Variants in XYLT1 observed in about 807,000 individuals in gnomAD.
XYLT1 encodes the protein beta-D-xylosyltransferase 1.
A neutral mutation model predicts 91.3 loss-of-function variants in XYLT1; 36 were observed. The observed-to-expected ratio is 0.39, with a 90% confidence interval of 0.30 to 0.52. The LOEUF (loss-of-function observed/expected upper bound fraction) is 0.52. Ranked by LOEUF, XYLT1 falls within the 20% of genes least tolerant of loss-of-function variation. The probability of loss-of-function intolerance (pLI) is 0.68; values close to 1 mark genes in which losing one functional copy is unlikely to be tolerated. For synonymous variants in XYLT1, 588 were observed against 532.0 expected, an observed-to-expected ratio of 1.11 and a Z score of -1.45; for missense variants, 1,242 against 1,284.5, an observed-to-expected ratio of 0.97 and a Z score of 0.51.
chr16:17,215,292 G>A (rs1283421000), intron 3 of XYLT1, among the ~76,000 whole-genome samples: 1 of 152,188 alleles, frequency 6.6e-6, no homozygotes, highest in African/African-American at 2.4e-5. Flanking sequence ...GGAGGCAGAC[G>A]TTGCACCACT....
intron 3 of XYLT1, among the ~76,000 whole-genome samples, chr16:17,225,177 A>ACACACTCTCT (rs150256998): frequency 3.9e-4 from 58 of 147,464 alleles, no homozygotes; most frequent in African/African-American, 1.3e-3. Flanking sequence ...ACACACACAC[A>ACACACTCTCT]CTCTCTCTCT....
chr16:17,262,656 G>A (rs955975379), intron 2 of XYLT1, among the ~76,000 whole-genome samples: 3 of 152,154 alleles, frequency 2.0e-5, no homozygotes, highest in African/African-American at 7.2e-5. Context: ...CTATGGCCAA[G>A]AGCAGTGACT....
intron 3 of XYLT1, among the ~76,000 whole-genome samples, chr16:17,223,950 T>C (rs1008666554): frequency 6.6e-6 from 1 of 152,228 alleles, no homozygotes; most frequent in African/African-American, 2.4e-5. Context: ...CTACGTTTGA[T>C]TGTTATAGCA....
chr16:17,334,581 G>C (rs1431378741), intron 2 of XYLT1, among the ~76,000 whole-genome samples: 1 of 152,094 alleles, frequency 6.6e-6, no homozygotes, highest in Non-Finnish European at 1.5e-5. Flanking sequence ...ACCCAGGAAT[G>C]TGTAGGTGTA....
chr16:17,270,578 G>A (rs2033873896), intron 2 of XYLT1, among the ~76,000 whole-genome samples: 2 of 152,202 alleles, frequency 1.3e-5, no homozygotes, highest in African/African-American at 4.8e-5. Flanking sequence ...CGAAAAGGAA[G>A]GAAATGCAAG....
intron 1 of XYLT1, among the ~76,000 whole-genome samples, chr16:17,390,304 G>A (rs1048403525): frequency 9.9e-5 from 15 of 152,196 alleles, no homozygotes; most frequent in South Asian, 2.1e-4. Flanking sequence ...TAAGCTGCCA[G>A]CAAGAACGAG....
chr16:17,461,705 G>T (rs1207742470), intron 1 of XYLT1, among the ~76,000 whole-genome samples: 2 of 152,020 alleles, frequency 1.3e-5, no homozygotes, highest in Non-Finnish European at 2.9e-5. Flanking sequence ...GATGGAGGCA[G>T]GGGGAGAATG....
chr16:17,464,358 G>A (rs1327004552), intron 1 of XYLT1, among the ~76,000 whole-genome samples: 1 of 152,016 alleles, frequency 6.6e-6, no homozygotes, highest in African/African-American at 2.4e-5. Context: ...CAGGTGTGGT[G>A]GCGGGTGCCT....
intron 1 of XYLT1, among the ~76,000 whole-genome samples, chr16:17,425,687 C>T (rs1039842590): frequency 6.6e-6 from 1 of 152,192 alleles, no homozygotes; most frequent in African/African-American, 2.4e-5. Flanking sequence ...TACACCTGGG[C>T]TTATTTATTC....
chr16:17,148,609 A>G (rs2031198782), intron 6 of XYLT1, among the ~76,000 whole-genome samples: 1 of 152,256 alleles, frequency 6.6e-6, no homozygotes, highest in South Asian at 2.1e-4. Context: ...TCCTTCTAAC[A>G]CACATTTAAC....
intron 5 of XYLT1, among the ~76,000 whole-genome samples, chr16:17,196,723 T>C (rs1369735079): frequency 6.6e-6 from 1 of 152,134 alleles, no homozygotes; most frequent in Non-Finnish European, 1.5e-5. Flanking sequence ...TTTTCACCCT[T>C]GTCAGCAAAT....
At chr16:17,448,657 A>C (rs991578132) in intron 1 of XYLT1, among the ~76,000 whole-genome samples, 7 of 149,066 alleles carry the variant, frequency 4.7e-5, no homozygotes, top group Non-Finnish European at 8.9e-5. Flanking sequence ...CAGTAATAAT[A>C]ATAATGGAAG....
At position 17,139,984 on chromosome 16, in the gene XYLT1, G is replaced by A. The variant is rs149025080; in HGVS notation, c.1587+1169C>T. 1.1e-4 allele frequency among the ~76,000 whole-genome samples: 16 copies of A among 152,202 alleles called. No individual in the cohort carries two copies. The East Asian group carries it at 2.1e-3, about 20-fold the overall frequency. ...AAACACACATAACCTATGTGGTCCC[G>A]GGAAGGAACAAGGGACCGTTCATGA... On this transcript the variant is annotated intron_variant, in intron 7 of 11. Coordinates refer to ENST00000261381, the MANE Select transcript of XYLT1 (RefSeq NM_022166.4).
intron 5 of XYLT1, among the ~76,000 whole-genome samples, chr16:17,180,195 A>G (rs1426270001): frequency 6.6e-6 from 1 of 152,222 alleles, no homozygotes; most frequent in Non-Finnish European, 1.5e-5. Context: ...CCCCCTTGGT[A>G]CTGCAGCCAT....
chr16:17,139,440 G>C (rs1323582883), intron 7 of XYLT1, among the ~76,000 whole-genome samples: 1 of 152,088 alleles, frequency 6.6e-6, no homozygotes, highest in Non-Finnish European at 1.5e-5. Flanking sequence ...GCCAGGGAGG[G>C]GCAGAGAAAG....
intron 1 of XYLT1, among the ~76,000 whole-genome samples, chr16:17,361,311 C>A (rs555634703): frequency 6.6e-6 from 1 of 152,138 alleles, no homozygotes; most frequent in Non-Finnish European, 1.5e-5. Context: ...CGTGCAGCCA[C>A]GCCCCGCCTA....
intron 1 of XYLT1, among the ~76,000 whole-genome samples, chr16:17,468,551 A>G (rs1294316557): frequency 1.3e-5 from 2 of 152,066 alleles, no homozygotes; most frequent in Non-Finnish European, 2.9e-5. Flanking sequence ...GTTCCCACCT[A>G]CCTCCCCAAC....
intron 2 of XYLT1, among the ~76,000 whole-genome samples, chr16:17,335,174 T>G (rs2034960429): frequency 6.8e-6 from 1 of 148,030 alleles, no homozygotes; most frequent in Non-Finnish European, 1.5e-5. Context: ...GAGCTGAGAT[T>G]GCGCCACTGC....
At chr16:17,446,550 T>C (rs1175712827) in intron 1 of XYLT1, among the ~76,000 whole-genome samples, 2 of 151,702 alleles carry the variant, frequency 1.3e-5, no homozygotes, top group Non-Finnish European at 2.9e-5. Context: ...GAAAAAAAAA[T>C]GGCTCAACAA....
Sources: allele counts gnomAD v4.1 joint callset (sites outside exome capture counted in the v4.1 genomes callset), GRCh38; gene constraint gnomAD v4.1.1; transcripts MANE v1.5; gene names NCBI Gene and HGNC (gene_info 2026-07-23, HGNC 2026-07-21).